Variants in STK10 observed in about 807,000 individuals in gnomAD.
The protein encoded by STK10 is serine/threonine-protein kinase 10.
In STK10, 78 loss-of-function variants were observed where a neutral mutation model predicts 113.8. That is an observed-to-expected ratio of 0.69 (90% CI 0.57 to 0.83). STK10 has a LOEUF of 0.83. Ranked by LOEUF, STK10 falls within the 40% of genes least tolerant of loss-of-function variation. The pLI is 0.00. For missense variants in STK10, 1,109 were observed against 1,280.1 expected, an observed-to-expected ratio of 0.87 and a Z score of 2.04; for synonymous variants, 465 against 494.7, an observed-to-expected ratio of 0.94 and a Z score of 0.80.
intron 13 of STK10, among the ~76,000 whole-genome samples, chr5:172,062,874 AT>A (rs2113704678): frequency 6.6e-6 from 1 of 152,376 alleles, no homozygotes; most frequent in Non-Finnish European, 1.5e-5. Flanking sequence ...ACACTTAATA[AT>A]GGTAAAGATG....
At chr5:172,076,650 G>T (rs1201535207) in intron 12 of STK10, among the ~76,000 whole-genome samples, 1 of 152,188 alleles carries the variant, frequency 6.6e-6, no homozygotes, top group Non-Finnish European at 1.5e-5. Flanking sequence ...GAACAAAATA[G>T]TCCCCGGTTG....
At chr5:172,151,697 G>A (rs10475569) in intron 2 of STK10, among the ~76,000 whole-genome samples, 9,923 of 152,258 alleles carry the variant, frequency 0.065, 369 homozygotes, top group South Asian at 0.13. Flanking sequence ...GTGTTCATGC[G>A]CTGTTAGTTG....
chr5:172,169,689 C>G (rs915016079), intron 1 of STK10, among the ~76,000 whole-genome samples: 1 of 152,160 alleles, frequency 6.6e-6, no homozygotes, highest in Non-Finnish European at 1.5e-5. Context: ...CTTGAGCCCA[C>G]CCTTGCTGGG....
At chr5:172,085,663 T>C (rs1382689605) in intron 10 of STK10, among the ~76,000 whole-genome samples, 1 of 147,442 alleles carries the variant, frequency 6.8e-6, no homozygotes, top group Non-Finnish European at 1.5e-5. Context: ...CACTCCAGCC[T>C]GGGCGACAGA....
At chr5:172,131,937 G>C (rs1343774731) in intron 2 of STK10, among the ~76,000 whole-genome samples, 1 of 152,192 alleles carries the variant, frequency 6.6e-6, no homozygotes, top group Non-Finnish European at 1.5e-5. Flanking sequence ...AAAAGGGCTA[G>C]AGGCTGTGAG....
Position 172,158,889 on chromosome 5 carries a change from G to A in STK10, c.157-2101C>T, listed in dbSNP as rs867686503. 2.0e-5 allele frequency among the ~76,000 whole-genome samples: 3 copies of A among 152,260 alleles called. No homozygotes were observed. In the South Asian group the frequency reaches 6.2e-4, roughly 32 times the overall value. On this transcript the variant is annotated intron_variant, in intron 1 of 18. Coordinates refer to ENST00000176763, the MANE Select transcript of STK10 (RefSeq NM_005990.4). ...AGAGGTTTCCAGGGGTTAGAAAGGG[G>A]AAATGGGGAGTTATTGTTTAGTGGG...
intron 12 of STK10, among the ~76,000 whole-genome samples, chr5:172,071,716 G>A (rs1374992298): frequency 6.6e-6 from 1 of 152,014 alleles, no homozygotes; most frequent in Admixed American, 6.6e-5. Context: ...CCCTTTAAAA[G>A]AGTCTCCCTA....
At chr5:172,114,338 A>G in intron 4 of STK10, among the ~76,000 whole-genome samples, 1 of 149,076 alleles carries the variant, frequency 6.7e-6, no homozygotes, top group Non-Finnish European at 1.5e-5. Flanking sequence ...TGATTACCAA[A>G]GTCATGTTGC....
At chr5:172,186,103 G>A (rs1292796404) in intron 1 of STK10, among the ~76,000 whole-genome samples, 3 of 151,868 alleles carry the variant, frequency 2.0e-5, no homozygotes, top group South Asian at 4.2e-4. Flanking sequence ...GTGAAACCCC[G>A]TCTCTACTAA....
At chr5:172,105,885 C>G in intron 6 of STK10, 148 bp from the exon 7 acceptor site, 1 of 671,026 alleles carries the variant, frequency 1.5e-6, no homozygotes, top group Non-Finnish European at 2.6e-6. Flanking sequence ...CTACACGACG[C>G]CCTTTTCATC....
intron 1 of STK10, among the ~76,000 whole-genome samples, chr5:172,170,333 T>A (rs577336936): frequency 3.3e-5 from 5 of 152,322 alleles, no homozygotes; most frequent in African/African-American, 9.6e-5. Context: ...CCTCTTTACC[T>A]TGCAGGAGCC....
chr5:172,057,305 C>T (rs370417988), intron 15 of STK10, 44 bp downstream of exon 15: 22 of 1,563,980 alleles, frequency 1.4e-5, no homozygotes, highest in Admixed American at 3.6e-5. Context: ...TCTCCCAGGT[C>T]GGCCCGGCAG....
At chr5:172,091,684 C>A (rs1162073306) in intron 9 of STK10, among the ~76,000 whole-genome samples, 1 of 152,180 alleles carries the variant, frequency 6.6e-6, no homozygotes, top group Non-Finnish European at 1.5e-5. Context: ...GCATGCGCCA[C>A]CACGCCCGGC....
chr5:172,087,515 T>C lies in STK10; in HGVS notation c.1685+2717A>G, dbSNP rs1163389614. Among the ~76,000 whole-genome samples the C allele has an allele frequency of 2.0e-5, 3 of 152,212 alleles. No homozygotes were observed. In the East Asian group the frequency reaches 5.8e-4, roughly 29 times the overall value. ...TTCTCGAACTCCTGACCTCAGGTGA[T>C]CCACTCGCCTAGGCCTCCCAAAGTG... On this transcript the variant is annotated intron_variant, in intron 10 of 18. Transcript: ENST00000176763.
chr5:172,045,153 T>A (rs1263907994), intron 18 of STK10, 131 bp from the exon 19 acceptor site: 1 of 1,355,390 alleles, frequency 7.4e-7, no homozygotes, highest in East Asian at 2.4e-5. Flanking sequence ...CTTGAGAAAC[T>A]ACGGCTTCCC....
At chr5:172,052,754 C>T (rs190624781) in intron 18 of STK10, among the ~76,000 whole-genome samples, 175 bp downstream of exon 18, 2 of 152,298 alleles carry the variant, frequency 1.3e-5, no homozygotes, top group Admixed American at 6.5e-5. Flanking sequence ...AGCTGCAGGG[C>T]GTTCAGCCAC....
intron 13 of STK10, 94 bp downstream of exon 13, chr5:172,064,626 G>C: frequency 7.6e-7 from 1 of 1,309,990 alleles, no homozygotes; most frequent in Non-Finnish European, 1.1e-6. Flanking sequence ...GGTATTTGAG[G>C]GGCAGGGATT....
intron 1 of STK10, among the ~76,000 whole-genome samples, chr5:172,167,550 G>C (rs1235699566): frequency 6.6e-6 from 1 of 152,198 alleles, no homozygotes; most frequent in Non-Finnish European, 1.5e-5. Context: ...ACTGGGACTG[G>C]TGCAAATAAG....
intron 3 of STK10, among the ~76,000 whole-genome samples, chr5:172,118,405 G>A (rs1316491635): frequency 6.6e-6 from 1 of 152,218 alleles, no homozygotes; most frequent in African/African-American, 2.4e-5. Flanking sequence ...GGAACAGAGT[G>A]AGGTGCAGGC....
Sources: gnomAD v4.1 joint callset for allele counts (sites outside exome capture counted in the v4.1 genomes callset) on GRCh38, gnomAD v4.1.1 for gene constraint, MANE v1.5 for transcripts, NCBI Gene and HGNC (gene_info 2026-07-23, HGNC 2026-07-21) for gene names.